Variants in SKIC3 observed in about 807,000 individuals in gnomAD.
SKIC3 encodes the protein SKI3 subunit of superkiller complex.
chr5:95,484,890 ATG>A, the SKIC3 span: 1 of 1,602,504 alleles, frequency 6.2e-7, no homozygotes. Flanking sequence ...GCAATTTATA[ATG>A]TGTTCTTAGA....
At chr5:95,546,168 A>G in the SKIC3 span, among the ~76,000 whole-genome samples, 1 of 152,000 alleles carries the variant, frequency 6.6e-6, no homozygotes, top group African/African-American at 2.4e-5. Context: ...CTCTCCATCC[A>G]TACTTGAACC....
chr5:95,492,986 A>G, the SKIC3 span, among the ~76,000 whole-genome samples: 1 of 152,192 alleles, frequency 6.6e-6, no homozygotes, highest in Non-Finnish European at 1.5e-5. Flanking sequence ...TATATAAACT[A>G]CAAACCTAAA....
the SKIC3 span, chr5:95,520,621 T>C: frequency 1.1e-6 from 1 of 923,606 alleles, no homozygotes; most frequent in Non-Finnish European, 1.6e-6. Flanking sequence ...TCTGAGCAAT[T>C]GCTATATCTA....
the SKIC3 span, chr5:95,503,109 T>G: frequency 6.8e-6 from 8 of 1,180,302 alleles, no homozygotes; most frequent in Middle Eastern, 2.5e-4. Context: ...TAAATACAAT[T>G]ATATCTTTGT....
the SKIC3 span, among the ~76,000 whole-genome samples, chr5:95,516,192 G>C: frequency 1.3e-5 from 2 of 152,022 alleles, no homozygotes; most frequent in Non-Finnish European, 2.9e-5. Flanking sequence ...TTAATTATTC[G>C]ACATAAATTG....
the SKIC3 span, among the ~76,000 whole-genome samples, chr5:95,489,087 C>T: frequency 6.6e-6 from 1 of 152,212 alleles, no homozygotes; most frequent in Admixed American, 6.5e-5. Context: ...GAGGCCAAAA[C>T]AGGAGGACTG....
the SKIC3 span, among the ~76,000 whole-genome samples, chr5:95,538,583 A>G: frequency 2.0e-5 from 3 of 152,156 alleles, no homozygotes; most frequent in African/African-American, 7.2e-5. Flanking sequence ...ACAAGTGTAC[A>G]TTAAGTAGCT....
At chr5:95,538,326 AT>A in the SKIC3 span, among the ~76,000 whole-genome samples, 1 of 152,156 alleles carries the variant, frequency 6.6e-6, no homozygotes, top group Non-Finnish European at 1.5e-5. Context: ...TTTTTCCACA[AT>A]TGAATCTATG....
At chr5:95,529,209 TATCTC>T in the SKIC3 span, 1 of 900,478 alleles carries the variant, frequency 1.1e-6, no homozygotes, top group Non-Finnish European at 1.8e-6. Flanking sequence ...TCATCTCTCA[TATCTC>T]ATCAGTCACA....
At chr5:95,467,812 A>C in the SKIC3 span, 8 of 1,607,996 alleles carry the variant, frequency 5.0e-6, no homozygotes, top group Non-Finnish European at 6.8e-6. Context: ...CAAAGATAAA[A>C]CATTTTAAAT....
the SKIC3 span, chr5:95,540,659 G>C: frequency 1.9e-6 from 3 of 1,612,296 alleles, no homozygotes; most frequent in Non-Finnish European, 2.5e-6. Context: ...CAATTTTCAT[G>C]AACAAACTTG....
At chr5:95,546,201 T>C in the SKIC3 span, among the ~76,000 whole-genome samples, 1 of 151,956 alleles carries the variant, frequency 6.6e-6, no homozygotes, top group Admixed American at 6.6e-5. Context: ...TCTCCAAACC[T>C]GAGAAACTGA....
At chr5:95,541,446 G>A in the SKIC3 span, 1 of 1,433,660 alleles carries the variant, frequency 7.0e-7, no homozygotes, top group Non-Finnish European at 9.8e-7. Flanking sequence ...AATAACCAAG[G>A]ACTTAAAACA....
chr5:95,554,683 C>A, the SKIC3 span, among the ~76,000 whole-genome samples: 2 of 152,088 alleles, frequency 1.3e-5, no homozygotes, highest in African/African-American at 4.8e-5. Flanking sequence ...GGAAGGTATT[C>A]GGGGGGGTCT....
the SKIC3 span, among the ~76,000 whole-genome samples, chr5:95,484,003 CCTCT>C: frequency 6.6e-6 from 1 of 152,034 alleles, no homozygotes; most frequent in East Asian, 1.9e-4. Context: ...GAAAATACTG[CCTCT>C]CTAATGACAC....
chr5:95,478,468 G>A, the SKIC3 span: 2 of 1,613,388 alleles, frequency 1.2e-6, no homozygotes, highest in Admixed American at 3.3e-5. Flanking sequence ...GGAGAAGGAG[G>A]CAAAGGATTT....
At chr5:95,494,863 C>G in the SKIC3 span, 164 of 1,595,706 alleles carry the variant, frequency 1.0e-4, 1 homozygote, top group Non-Finnish European at 1.4e-4. Flanking sequence ...CTAAAAGACT[C>G]TATTTGATAT....
the SKIC3 span, among the ~76,000 whole-genome samples, chr5:95,522,662 A>T: frequency 6.6e-5 from 10 of 152,138 alleles, no homozygotes; most frequent in Admixed American, 6.6e-5. Flanking sequence ...ACCAAACAGA[A>T]ATACCACAGT....
the SKIC3 span, among the ~76,000 whole-genome samples, chr5:95,507,930 C>CAAAA: frequency 7.9e-5 from 11 of 138,754 alleles, no homozygotes; most frequent in Admixed American, 2.2e-4. Flanking sequence ...CGATACATAC[C>CAAAA]AAAAAAAAAA....
Sources: gnomAD v4.1 joint callset for allele counts (sites outside exome capture counted in the v4.1 genomes callset) on GRCh38, gnomAD v4.1.1 for gene constraint, MANE v1.5 for transcripts, NCBI Gene and HGNC (gene_info 2026-07-23, HGNC 2026-07-21) for gene names.